The following WASL variants were observed in gnomAD, a reference collection of about 807,000 sequenced individuals.
WASL encodes the protein actin nucleation-promoting factor WASL.
In WASL, 20 loss-of-function variants were observed where a neutral mutation model predicts 55.5. The observed-to-expected ratio is 0.36, with a 90% CI of 0.25 to 0.52. WASL has a LOEUF of 0.52. Among genes scored for constraint, WASL ranks in the 20% least tolerant of loss-of-function variants. The pLI is 0.92. For missense variants in WASL, 504 were observed against 622.5 expected, an observed-to-expected ratio of 0.81 and a Z score of 2.03; for synonymous variants, 249 against 217.6, an observed-to-expected ratio of 1.14 and a Z score of -1.27.
At chr7:123,700,722 G>A (rs371179974) in intron 5 of WASL, among the ~76,000 whole-genome samples, 2 of 152,196 alleles carry the variant, frequency 1.3e-5, no homozygotes, top group African/African-American at 4.8e-5. Context: ...ACAGGCGTGA[G>A]CCACCGTGCC....
At chr7:123,739,874 ATATG>A (rs1405556284) in intron 1 of WASL, among the ~76,000 whole-genome samples, 4 of 80,032 alleles carry the variant, frequency 5.0e-5, no homozygotes, top group Non-Finnish European at 9.8e-5. Flanking sequence ...ATACATTTAT[ATATG>A]TGTGTGTGTG....
chr7:123,747,139 C>A (rs937478832), intron 1 of WASL, among the ~76,000 whole-genome samples: 2 of 152,102 alleles, frequency 1.3e-5, no homozygotes, highest in Non-Finnish European at 2.9e-5. Flanking sequence ...CCTTCTAAAA[C>A]AACATGATGT....
In WASL at chr7:123,744,282, A is replaced by C. The variant is rs10271256; in HGVS notation, c.117+4336T>G. ...AGACTAAAGTCCAGATACCATGTGC[A>C]TTAGAAACTGAAGGGCTTAACAACC... On this transcript the variant is annotated intron_variant, in intron 1 of 10. Transcript: ENST00000223023. Among the ~76,000 whole-genome samples the C allele has an allele frequency of 8.3e-3, 1,259 of 152,358 alleles. 19 individuals carry two copies. Among genetic ancestry groups the C allele is most frequent in the African/African-American group, 0.029 (1,194 of 41,576 alleles).
At chr7:123,738,813 GGAA>G (rs1372657987) in intron 1 of WASL, among the ~76,000 whole-genome samples, 20 of 152,008 alleles carry the variant, frequency 1.3e-4, no homozygotes, top group African/African-American at 4.1e-4. Context: ...GGGCCACATT[GGAA>G]GAAGAAGAAT....
At chr7:123,700,175 C>CAAAAAAA (rs1168168286) in intron 5 of WASL, among the ~76,000 whole-genome samples, 4 of 47,352 alleles carry the variant, frequency 8.4e-5, no homozygotes, top group African/African-American at 1.5e-4. Flanking sequence ...AACTCCGTCT[C>CAAAAAAA]AAAAAAAAAA....
At position 123,728,425 on chromosome 7, in the gene WASL, AGT is replaced by A. The variant is rs546217541; in HGVS notation, c.118-19204_118-19203del. ...GTGTGTGTGGCCTGCTATATTAGGG[AGT>A]AAAAAGGTAGAAAGGGAAAACAACA... On this transcript the variant is annotated intron_variant, in intron 1 of 10. Coordinates refer to ENST00000223023, the MANE Select transcript of WASL (RefSeq NM_003941.4). Among the ~76,000 whole-genome samples the A allele has an allele frequency of 3.9e-4, 60 of 152,308 alleles. No homozygotes were observed. In the South Asian group the frequency reaches 0.012, roughly 31 times the overall value.
chr7:123,718,341 T>C (rs961362194), intron 1 of WASL, among the ~76,000 whole-genome samples: 17 of 152,210 alleles, frequency 1.1e-4, no homozygotes, highest in Admixed American at 2.6e-4. Flanking sequence ...TAGAATTTTG[T>C]ATATGAAGAA....
chr7:123,740,352 G>A (rs776577673), intron 1 of WASL, among the ~76,000 whole-genome samples: 4 of 151,986 alleles, frequency 2.6e-5, no homozygotes, highest in Non-Finnish European at 4.4e-5. Context: ...TAACTCCTAT[G>A]AGAAAATAAT....
intron 5 of WASL, among the ~76,000 whole-genome samples, chr7:123,700,100 C>T (rs551636579): frequency 1.5e-5 from 2 of 135,568 alleles, no homozygotes; most frequent in East Asian, 2.4e-4. Context: ...GGCGTGAACC[C>T]GGGAGGAGGA....
At chr7:123,723,936 A>C (rs1198011506) in intron 1 of WASL, among the ~76,000 whole-genome samples, 1 of 152,184 alleles carries the variant, frequency 6.6e-6, no homozygotes, top group Non-Finnish European at 1.5e-5. Flanking sequence ...ATATTCTCAT[A>C]TCTCTGAAAT....
intron 4 of WASL, among the ~76,000 whole-genome samples, chr7:123,705,067 T>C (rs1302557364): frequency 2.0e-5 from 3 of 152,344 alleles, no homozygotes; most frequent in East Asian, 3.9e-4. Context: ...AAAAGTTTAC[T>C]CTGGCTACTG....
At chr7:123,714,353 AAAGAG>A (rs1803804271) in intron 1 of WASL, among the ~76,000 whole-genome samples, 1 of 152,308 alleles carries the variant, frequency 6.6e-6, no homozygotes, top group South Asian at 2.1e-4. Context: ...CCAGAAAAGA[AAAGAG>A]AAAACAAACA....
At chr7:123,712,935 G>C (rs370991949) in intron 1 of WASL, among the ~76,000 whole-genome samples, 15 of 152,082 alleles carry the variant, frequency 9.9e-5, no homozygotes, top group African/African-American at 3.6e-4. Context: ...AAGAATTTTA[G>C]ATCAGGAAAA....
At chr7:123,740,909 G>T (rs1175028333) in intron 1 of WASL, among the ~76,000 whole-genome samples, 1 of 152,174 alleles carries the variant, frequency 6.6e-6, no homozygotes, top group East Asian at 1.9e-4. Context: ...GATGAGAAAA[G>T]AAAATCATTT....
chr7:123,740,772 T>C (rs1804327994), intron 1 of WASL, among the ~76,000 whole-genome samples: 1 of 152,058 alleles, frequency 6.6e-6, no homozygotes, highest in Non-Finnish European at 1.5e-5. Context: ...CTTTTTCTTG[T>C]AGAGATTAGG....
chr7:123,686,075 T>C (rs1318534651), intron 10 of WASL, among the ~76,000 whole-genome samples: 1 of 151,274 alleles, frequency 6.6e-6, no homozygotes, highest in East Asian at 1.9e-4. Context: ...TGTGTGAAGG[T>C]AGTATTTGAA....
intron 1 of WASL, among the ~76,000 whole-genome samples, chr7:123,713,967 G>C (rs1254139749): frequency 2.0e-5 from 3 of 152,196 alleles, no homozygotes; most frequent in Non-Finnish European, 4.4e-5. Context: ...GTGAACTTTG[G>C]TATCTGTGGG....
chr7:123,691,393 T>C (rs1437661698), intron 9 of WASL, among the ~76,000 whole-genome samples: 2 of 152,198 alleles, frequency 1.3e-5, no homozygotes, highest in Admixed American at 6.5e-5. Context: ...TCTTGGATTT[T>C]TTTTTAAAAC....
At chr7:123,738,727 G>GCCA (rs533303003) in intron 1 of WASL, among the ~76,000 whole-genome samples, 29 of 152,182 alleles carry the variant, frequency 1.9e-4, no homozygotes, top group Admixed American at 1.4e-3. Context: ...GTTGGTGTCT[G>GCCA]CCATGGACAC....
Sources: gnomAD v4.1 joint callset for allele counts (sites outside exome capture counted in the v4.1 genomes callset) on GRCh38, gnomAD v4.1.1 for gene constraint, MANE v1.5 for transcripts, NCBI Gene and HGNC (gene_info 2026-07-23, HGNC 2026-07-21) for gene names.